EYS: variants seen among roughly 807,000 people sequenced by gnomAD.
EYS encodes the protein EGF-like photoreceptor maintenance factor.
In EYS, 250 loss-of-function variants were observed where a neutral mutation model predicts 282.1. That is an observed-to-expected ratio of 0.89 (90% CI 0.80 to 0.98). The LOEUF (loss-of-function observed/expected upper bound fraction) is 0.98. Ranked by LOEUF, EYS falls within the 50% of genes least tolerant of loss-of-function variation. The pLI is 0.00. For missense variants in EYS, 4,016 were observed against 3,709.0 expected, an observed-to-expected ratio of 1.08 and a Z score of -2.15; for synonymous variants, 1,355 against 1,282.9, an observed-to-expected ratio of 1.06 and a Z score of -1.20.
intron 12 of EYS, among the ~76,000 whole-genome samples, chr6:65,180,297 C>A (rs963688269): frequency 6.6e-6 from 1 of 151,788 alleles, no homozygotes; most frequent in Admixed American, 6.6e-5. Context: ...GATTGTATAT[C>A]TAGAAAACCC....
At chr6:64,791,332 C>T (rs935958718) in intron 22 of EYS, among the ~76,000 whole-genome samples, 27 of 151,896 alleles carry the variant, frequency 1.8e-4, no homozygotes, top group East Asian at 9.7e-4. Context: ...CATACACATA[C>T]ATTAGGTGTT....
intron 12 of EYS, among the ~76,000 whole-genome samples, chr6:65,061,312 T>C (rs1483506060): frequency 6.6e-6 from 1 of 152,012 alleles, no homozygotes; most frequent in Admixed American, 6.6e-5. Context: ...AGCATTCATG[T>C]ATCCTTTTCA....
At chr6:64,944,346 C>T (rs1769201632) in intron 15 of EYS, among the ~76,000 whole-genome samples, 1 of 152,036 alleles carries the variant, frequency 6.6e-6, no homozygotes, top group African/African-American at 2.4e-5. Context: ...AAAGCAACTA[C>T]AACAAAACCA....
At chr6:65,042,845 ATTTAT>A (rs1371885953) in intron 13 of EYS, among the ~76,000 whole-genome samples, 1 of 151,086 alleles carries the variant, frequency 6.6e-6, no homozygotes, top group African/African-American at 2.4e-5. Context: ...TTAGCTTAAT[ATTTAT>A]TTTATTAAAA....
chr6:64,015,767 A>G (rs139670681), intron 33 of EYS, among the ~76,000 whole-genome samples: 1 of 152,186 alleles, frequency 6.6e-6, no homozygotes, highest in Non-Finnish European at 1.5e-5. Context: ...GAACCAGAGG[A>G]AGCATAGCCA....
intron 2 of EYS, among the ~76,000 whole-genome samples, chr6:65,593,584 T>TA (rs2127369636): frequency 6.6e-6 from 1 of 152,154 alleles, no homozygotes; most frequent in South Asian, 2.1e-4. Flanking sequence ...GTCTCTCATA[T>TA]GCATACACTA....
At chr6:64,066,619 A>C in intron 32 of EYS, 128 bp from the exon 33 acceptor site, 1 of 649,560 alleles carries the variant, frequency 1.5e-6, no homozygotes. Flanking sequence ...CTATTAGATA[A>C]TTATTCAGTG....
intron 11 of EYS, among the ~76,000 whole-genome samples, chr6:65,326,624 T>C (rs1018837607): frequency 2.0e-5 from 3 of 151,580 alleles, no homozygotes; most frequent in Admixed American, 2.0e-4. Context: ...TGAGACCATA[T>C]AGAATTTATA....
intron 22 of EYS, among the ~76,000 whole-genome samples, chr6:64,629,076 T>G (rs1054521712): frequency 6.6e-6 from 1 of 152,224 alleles, no homozygotes; most frequent in Non-Finnish European, 1.5e-5. Flanking sequence ...TTCCATTTAG[T>G]TGCATATCTC....
chr6:64,886,912 T>C, intron 18 of EYS, 70 bp from the exon 19 acceptor site: 1 of 899,340 alleles, frequency 1.1e-6, no homozygotes, highest in South Asian at 2.1e-5. Flanking sequence ...ATGATTCATA[T>C]TTATATTTTA....
intron 33 of EYS, among the ~76,000 whole-genome samples, chr6:64,053,166 A>G (rs542778070): frequency 6.6e-6 from 1 of 152,202 alleles, no homozygotes; most frequent in East Asian, 1.9e-4. Context: ...TGACATACCA[A>G]TTGCATGTTT....
intron 36 of EYS, 31 bp from the exon 37 acceptor site, chr6:63,806,403 A>G: frequency 6.7e-7 from 1 of 1,496,108 alleles, no homozygotes; most frequent in Non-Finnish European, 9.0e-7. Flanking sequence ...AACAGTTAAA[A>G]TAAACCTGTA....
intron 26 of EYS, among the ~76,000 whole-genome samples, chr6:64,486,403 A>G (rs1040279934): frequency 7.3e-5 from 11 of 151,490 alleles, no homozygotes; most frequent in Admixed American, 2.0e-4. Flanking sequence ...AACAAAATCC[A>G]AAAGAATTCA....
At chr6:65,439,802 T>C (rs1231683123) in intron 5 of EYS, among the ~76,000 whole-genome samples, 1 of 152,096 alleles carries the variant, frequency 6.6e-6, no homozygotes, top group East Asian at 1.9e-4. Flanking sequence ...CTCATTCCTG[T>C]ATTTCAATTT....
chr6:65,153,784 T>C lies in EYS; in HGVS notation c.2024-96057A>G, dbSNP rs143922752. Among the ~76,000 whole-genome samples the C allele has an allele frequency of 2.0e-5, 3 of 151,924 alleles. No homozygotes were observed. In the East Asian group the frequency reaches 5.9e-4, roughly 30 times the overall value. On this transcript the variant is annotated intron_variant, in intron 12 of 42. Coordinates refer to ENST00000503581, the MANE Select transcript of EYS (RefSeq NM_001142800.2). ...GCAGAATATAGTCATGTAAAAATTC[T>C]TTAGACTGTTAATGTAATCACATCT...
At chr6:64,725,082 A>G (rs1771709765) in intron 22 of EYS, among the ~76,000 whole-genome samples, 1 of 152,170 alleles carries the variant, frequency 6.6e-6, no homozygotes, top group African/African-American at 2.4e-5. Flanking sequence ...GAGATAACAC[A>G]GAATGCTTCT....
chr6:64,735,130 CTGTAG>C lies in EYS; in HGVS notation c.3443+78243_3443+78247del, dbSNP rs564948249. On this transcript the variant is annotated intron_variant, in intron 22 of 42. Transcript: ENST00000503581. ...ACCCAGTCATGCTCTGTCGCCCAGG[CTGTAG>C]TGCAGCGGTGCAATCTCTGCTCACT... 9.7e-3 allele frequency among the ~76,000 whole-genome samples: 1,481 copies of C among 152,254 alleles called. 7 individuals are homozygous for C. The highest frequency in any genetic ancestry group is 0.015 in the Admixed American group (232 of 15,290).
chr6:64,816,215 T>A (rs1048328415), intron 21 of EYS, among the ~76,000 whole-genome samples: 1 of 152,108 alleles, frequency 6.6e-6, no homozygotes, highest in Admixed American at 6.6e-5. Context: ...CCATTCCCTC[T>A]GCAAAGGCCT....
chr6:64,536,022 A>T (rs1764507356), intron 26 of EYS, among the ~76,000 whole-genome samples: 1 of 151,986 alleles, frequency 6.6e-6, no homozygotes, highest in East Asian at 1.9e-4. Context: ...CTCTGATGAG[A>T]ATATGAATTT....
Sources: allele counts gnomAD v4.1 joint callset (sites outside exome capture counted in the v4.1 genomes callset), GRCh38; gene constraint gnomAD v4.1.1; transcripts MANE v1.5; gene names NCBI Gene and HGNC (gene_info 2026-07-23, HGNC 2026-07-21).